The following USP39 variants were observed in gnomAD, a reference collection of about 807,000 sequenced individuals.
USP39 encodes ubiquitin specific peptidase 39.
A neutral mutation model predicts 66.4 loss-of-function variants in USP39; 38 were observed. The ratio of observed to expected loss-of-function variants is 0.57; its 90% CI spans 0.44 to 0.75. USP39 has a LOEUF of 0.75. Among genes scored for constraint, USP39 ranks in the 30% least tolerant of loss-of-function variants. The probability of loss-of-function intolerance (pLI) is 0.00; values close to 1 mark genes in which losing one functional copy is unlikely to be tolerated. For missense variants in USP39, 608 were observed against 714.4 expected, an observed-to-expected ratio of 0.85 and a Z score of 1.70; for synonymous variants, 303 against 274.6, an observed-to-expected ratio of 1.10 and a Z score of -1.02.
chr2:85,630,124 C>T (rs1419852936), intron 5 of USP39, among the ~76,000 whole-genome samples: 1 of 152,008 alleles, frequency 6.6e-6, no homozygotes, highest in African/African-American at 2.4e-5. Context: ...ACCCCCCACA[C>T]TCTTTCCCCC....
intron 6 of USP39, among the ~76,000 whole-genome samples, chr2:85,635,388 C>T (rs1194111539): frequency 1.3e-5 from 2 of 152,020 alleles, no homozygotes; most frequent in Non-Finnish European, 2.9e-5. Flanking sequence ...GGTGAAGCCC[C>T]GTCTCTACTA....
intron 6 of USP39, among the ~76,000 whole-genome samples, chr2:85,633,928 C>T (rs918199169): frequency 2.5e-4 from 36 of 144,596 alleles, no homozygotes; most frequent in African/African-American, 8.9e-4. Flanking sequence ...AGCTCCGCCT[C>T]CCGGGTTCAC....
chr2:85,611,609 G>A (rs1253780504), upstream of USP39: 1 of 1,557,150 alleles, frequency 6.4e-7, no homozygotes, highest in South Asian at 1.2e-5. Flanking sequence ...CTATAGAGAA[G>A]GGGAGTGCGT....
chr2:85,644,163 G>A (rs1228701450), intron 10 of USP39, among the ~76,000 whole-genome samples: 1 of 152,200 alleles, frequency 6.6e-6, no homozygotes, highest in Non-Finnish European at 1.5e-5. Context: ...AACTTCAAAG[G>A]GAGATATATA....
chr2:85,633,831 CTTTTTTTTTTTT>C (rs35970499), intron 6 of USP39, among the ~76,000 whole-genome samples: 2 of 78,970 alleles, frequency 2.5e-5, no homozygotes, highest in East Asian at 7.6e-4. Context: ...CGAGTAGTGG[CTTTTTTTTTTTT>C]TTTTTTTTTT....
upstream of USP39, chr2:85,609,321 T>G (rs544571612): frequency 2.5e-4 from 357 of 1,440,574 alleles, 2 homozygotes; most frequent in African/African-American, 4.7e-3. Flanking sequence ...TAGACTCACA[T>G]GTGGAGCAGA....
intron 2 of USP39, among the ~76,000 whole-genome samples, chr2:85,620,360 T>TC (rs1382794921): frequency 6.6e-6 from 1 of 151,678 alleles, no homozygotes; most frequent in African/African-American, 2.4e-5. Context: ...ACTCCTGTAG[T>TC]CCCAGCTTCT....
chr2:85,628,491 A>G (rs532947064), intron 5 of USP39, among the ~76,000 whole-genome samples: 1 of 152,184 alleles, frequency 6.6e-6, no homozygotes, highest in Non-Finnish European at 1.5e-5. Flanking sequence ...GGATTTGGTC[A>G]GAGCTGTTAG....
At chr2:85,611,203 C>T (rs1673498305), upstream of USP39, 2 of 1,179,978 alleles carry the variant, frequency 1.7e-6, no homozygotes, top group African/African-American at 1.6e-5. Context: ...GACCTAGTCT[C>T]AAAAATAAAA....
chr2:85,621,266 C>T lies in USP39; in HGVS notation c.339-219C>T, dbSNP rs1404828320. 4 of 451,764 alleles carry T rather than the reference C, an allele frequency of 8.9e-6. No homozygotes were observed. In the Admixed American group the frequency reaches 1.0e-4, roughly 12 times the overall value. The allele number at this position is 451,764 out of a possible 1,614,324, so 28.0% of individuals were successfully genotyped here. A position where few individuals can be genotyped will look rare whatever the true frequency, so the allele number is the denominator to read the frequency against. ...TACAAACACTAATGAGAAAGAGGCT[C>T]GTGGGTATTATGTGTCTGGTGGAGA... On this transcript the variant is annotated intron_variant, in intron 2 of 12. Coordinates refer to ENST00000323701, the MANE Select transcript of USP39 (RefSeq NM_006590.4).
chr2:85,603,894 G>A (rs1481247352), intron 1 of USP39, among the ~76,000 whole-genome samples: 2 of 152,122 alleles, frequency 1.3e-5, no homozygotes, highest in East Asian at 1.9e-4. Context: ...CGCCTGGCCC[G>A]GATGTTTCTT....
intron 2 of USP39, among the ~76,000 whole-genome samples, chr2:85,620,160 C>T (rs888666445): frequency 4.6e-5 from 7 of 150,852 alleles, no homozygotes; most frequent in African/African-American, 9.7e-5. Flanking sequence ...GCCCAGCCAA[C>T]GAGACCCATC....
In USP39 at chr2:85,641,045, T is replaced by G; in HGVS notation, c.1354T>G (p.Phe452Val). ...QLTKLPPYLI[F>V]CIKRFTKNNF... is the part of the protein sequence containing the mutation. Reference sequence around the variant, plus strand: ...TACCAAGTTGCCTCCATATCTAATCTTTTGTATCAAGAGATTCACTAAGAA... The same window carrying G: ...TACCAAGTTGCCTCCATATCTAATCGTTTGTATCAAGAGATTCACTAAGAA... The change falls in exon 10 of 13, where the codon TTT becomes GTT. Residue 452 changes from phenylalanine to valine, a missense_variant. Physicochemically the swap from Phe to Val is conservative, Grantham distance 50 (BLOSUM62 -1). This residue lies in a region of USP39 where 164 missense variants were observed against 250.3 expected (regional missense o/e 0.66). Transcript: ENST00000323701. 1 of 1,614,002 alleles carries G rather than the reference T, an allele frequency of 6.2e-7. No individual in the cohort carries two copies. Among genetic ancestry groups the G allele is most frequent in the Admixed American group, 1.7e-5 (1 of 59,970 alleles).
chr2:85,611,630 G>C (rs1337981078), upstream of USP39: 2 of 1,563,252 alleles, frequency 1.3e-6, no homozygotes, highest in East Asian at 2.4e-5. Context: ...TGCAGGAAGA[G>C]CGCGCGGGCT....
At chr2:85,619,786 T>C (rs1417868659) in intron 2 of USP39, among the ~76,000 whole-genome samples, 1 of 152,094 alleles carries the variant, frequency 6.6e-6, no homozygotes, top group Non-Finnish European at 1.5e-5. Context: ...ACTCAGCCCT[T>C]TGGCAGGCCA....
At chr2:85,623,328 A>C (rs1054639663) in intron 3 of USP39, among the ~76,000 whole-genome samples, 4 of 150,144 alleles carry the variant, frequency 2.7e-5, no homozygotes, top group African/African-American at 9.7e-5. Context: ...CTATGTATGA[A>C]TATATAGTTA....
rs1295148361 is a variant in USP39, at chr2:85,636,050, C to T, written c.950-3C>T. ...ACGTTTTCCACCCTTCCTTTTTTTC[C>T]AGGAGATGGCGTTGACTTTCTGTCT... On this transcript the variant is annotated splice_region_variant and splice_polypyrimidine_tract_variant and intron_variant, in intron 6 of 12. Coordinates refer to ENST00000323701, the MANE Select transcript of USP39 (RefSeq NM_006590.4). 1.2e-6 allele frequency: 2 copies of T among 1,613,754 alleles called. No homozygotes were observed. The highest frequency in any genetic ancestry group is 1.7e-6 in the Non-Finnish European group (2 of 1,179,854).
chr2:85,616,364 G>A lies in USP39; in HGVS notation c.169G>A (p.Ala57Thr), dbSNP rs1673945516. ...PVRVKREFEP[A>T]SAREAPASVV... is the part of the protein sequence containing the mutation. Reference sequence around the variant, plus strand: ...GCGCGTGAAGCGGGAGTTCGAGCCGGCGAGCGCGCGCGAGGCCCCGGCTTC... The same window carrying A: ...GCGCGTGAAGCGGGAGTTCGAGCCGACGAGCGCGCGCGAGGCCCCGGCTTC... Residue 57 changes from alanine to threonine, a missense_variant, in exon 1 of 13, where the codon GCG becomes ACG. Ala to Thr is a moderately conservative substitution (Grantham distance 58). Transcript: ENST00000323701. 6.2e-7 allele frequency: 1 copy of A among 1,600,936 alleles called. No homozygotes were observed. The highest frequency in any genetic ancestry group is 1.7e-5 in the Admixed American group (1 of 58,898).
intron 1 of USP39, among the ~76,000 whole-genome samples, chr2:85,603,751 C>T (rs1017627395): frequency 1.3e-5 from 2 of 152,044 alleles, no homozygotes; most frequent in Non-Finnish European, 2.9e-5. Flanking sequence ...CGCCACCTCA[C>T]CCGGCTAATT....
Sources: allele counts gnomAD v4.1 joint callset (sites outside exome capture counted in the v4.1 genomes callset), GRCh38; gene constraint gnomAD v4.1.1; regional missense constraint gnomAD v4.1.1; transcripts MANE v1.5; gene names NCBI Gene and HGNC (gene_info 2026-07-23, HGNC 2026-07-21).